The following CSMD1 variants were observed in gnomAD, a reference collection of about 807,000 sequenced individuals.
The protein encoded by CSMD1 is CUB and sushi domain-containing protein 1.
Under a neutral mutation model 417.5 loss-of-function variants are expected in CSMD1, and 213 were observed. The observed-to-expected ratio is 0.51, with a 90% confidence interval of 0.46 to 0.57. The LOEUF is 0.57. Ranked by LOEUF, CSMD1 falls within the 20% of genes least tolerant of loss-of-function variation. The pLI, the probability that CSMD1 is intolerant of heterozygous loss-of-function variation, is 0.00. For missense variants in CSMD1, 6,923 were observed against 4,529.7 expected (o/e 1.53, Z -15.17); for synonymous variants, 2,862 against 1,736.8 (o/e 1.65, Z -16.11).
At chr8:4,032,739 T>C (rs183730782) in intron 3 of CSMD1, among the ~76,000 whole-genome samples, 1 of 152,310 alleles carries the variant, frequency 6.6e-6, no homozygotes, top group East Asian at 1.9e-4. Context: ...CAAGTTTCAG[T>C]GCTAAGTTTT....
intron 54 of CSMD1, among the ~76,000 whole-genome samples, chr8:2,987,209 T>C (rs1363289119): frequency 6.6e-6 from 1 of 152,034 alleles, no homozygotes; most frequent in East Asian, 1.9e-4. Context: ...GTTAACTCTC[T>C]GAGCTATTAA....
chr8:4,323,837 G>A (rs141346513), intron 3 of CSMD1, among the ~76,000 whole-genome samples: 13 of 152,230 alleles, frequency 8.5e-5, no homozygotes, highest in African/African-American at 2.4e-4. Context: ...TCCTCCAGGT[G>A]CCTTGTACTG....
intron 2 of CSMD1, among the ~76,000 whole-genome samples, chr8:4,519,920 A>ATT (rs1554502173): frequency 2.8e-5 from 4 of 141,326 alleles, no homozygotes; most frequent in Non-Finnish European, 6.3e-5. Flanking sequence ...TACATTATGT[A>ATT]GTGTGTGTGT....
intron 3 of CSMD1, among the ~76,000 whole-genome samples, chr8:4,201,344 T>C (rs1006375191): frequency 2.0e-5 from 3 of 151,838 alleles, no homozygotes; most frequent in African/African-American, 7.3e-5. Flanking sequence ...CGAGACCATC[T>C]TGGGTAACAC....
At chr8:3,382,083 C>A (rs780272089) in intron 18 of CSMD1, among the ~76,000 whole-genome samples, 2 of 151,964 alleles carry the variant, frequency 1.3e-5, no homozygotes, top group African/African-American at 4.8e-5. Flanking sequence ...CATGGCAAAA[C>A]CCTGTCTCTA....
chr8:4,433,794 C>T (rs1798000210), intron 2 of CSMD1, among the ~76,000 whole-genome samples: 1 of 152,014 alleles, frequency 6.6e-6, no homozygotes, highest in Non-Finnish European at 1.5e-5. Context: ...TGTCTATTTA[C>T]CTCTGTCCTT....
At chr8:3,235,199 C>G (rs943554171) in intron 26 of CSMD1, among the ~76,000 whole-genome samples, 6 of 151,990 alleles carry the variant, frequency 3.9e-5, no homozygotes, top group African/African-American at 1.2e-4. Flanking sequence ...TATAATAGTA[C>G]AAGAATTTAA....
chr8:3,043,520 T>C (rs1006904451), intron 50 of CSMD1, among the ~76,000 whole-genome samples: 8 of 152,140 alleles, frequency 5.3e-5, no homozygotes, highest in Non-Finnish European at 1.2e-4. Flanking sequence ...ATAAATTGCA[T>C]TTAATCATGT....
At chr8:3,352,756 C>T (rs1486104718) in intron 21 of CSMD1, among the ~76,000 whole-genome samples, 2 of 152,142 alleles carry the variant, frequency 1.3e-5, no homozygotes, top group Non-Finnish European at 2.9e-5. Flanking sequence ...CGGAGACTTG[C>T]TTGAACCCAG....
At chr8:4,007,959 G>T (rs960943564) in intron 4 of CSMD1, among the ~76,000 whole-genome samples, 3 of 152,166 alleles carry the variant, frequency 2.0e-5, no homozygotes, top group Non-Finnish European at 4.4e-5. Flanking sequence ...CGAAATTTCA[G>T]ATAAAAATTA....
chr8:3,771,092 A>G (rs765591396), intron 5 of CSMD1, among the ~76,000 whole-genome samples: 1 of 151,932 alleles, frequency 6.6e-6, no homozygotes, highest in Non-Finnish European at 1.5e-5. Context: ...GGGGTATTGT[A>G]TTCTCAGGAT....
At position 3,814,362 on chromosome 8, in the gene CSMD1, A is replaced by T. The variant is rs1801256782; in HGVS notation, c.819-60320T>A. Among the ~76,000 whole-genome samples, 3 of 152,026 alleles carry T rather than the reference A, an allele frequency of 2.0e-5. 1 individual carries two copies. In the South Asian group the frequency reaches 6.2e-4, roughly 32 times the overall value. ...TGACCAAGGACATCTTTGACTCTAG[A>T]TGGCTTTACCTCTTATACATTATAC... On this transcript the variant is annotated intron_variant, in intron 5 of 69. Coordinates refer to ENST00000635120, the MANE Select transcript of CSMD1 (RefSeq NM_033225.6).
intron 2 of CSMD1, among the ~76,000 whole-genome samples, chr8:4,569,098 G>T (rs1798759566): frequency 6.6e-6 from 1 of 152,120 alleles, no homozygotes; most frequent in South Asian, 2.1e-4. Context: ...TCACTGTGAT[G>T]ATAGTTTTGT....
intron 12 of CSMD1, among the ~76,000 whole-genome samples, chr8:3,451,451 C>A (rs545755433): frequency 3.3e-4 from 50 of 152,244 alleles, no homozygotes; most frequent in Non-Finnish European, 5.4e-4. Context: ...GGTTTTAGGG[C>A]TAACATTTAA....
chr8:4,356,010 G>A lies in CSMD1; in HGVS notation c.415+63943C>T, dbSNP rs375666658. On this transcript the variant is annotated intron_variant, in intron 3 of 69. Coordinates refer to ENST00000635120, the MANE Select transcript of CSMD1 (RefSeq NM_033225.6). ...GATATTGGGGTACATGTGGCATTTG[G>A]TTACTTAAGTTACTGGTGTTTGGGA... 3.3e-5 allele frequency among the ~76,000 whole-genome samples: 5 copies of A among 152,028 alleles called. No individual in the cohort carries two copies. The East Asian group carries it at 5.8e-4, about 18-fold the overall frequency.
At chr8:4,411,202 G>C (rs1360293563) in intron 3 of CSMD1, among the ~76,000 whole-genome samples, 3 of 151,982 alleles carry the variant, frequency 2.0e-5, no homozygotes, top group African/African-American at 7.3e-5. Context: ...AAATGAACTA[G>C]GAAACCCATC....
intron 1 of CSMD1, among the ~76,000 whole-genome samples, chr8:4,916,783 C>G (rs374376735): frequency 2.6e-5 from 4 of 152,156 alleles, no homozygotes; most frequent in African/African-American, 9.7e-5. Flanking sequence ...CAGCTAGATG[C>G]TAACGTAGGC....
intron 61 of CSMD1, 71 bp from the exon 62 acceptor site, chr8:2,961,285 C>A: frequency 1.2e-6 from 1 of 857,764 alleles, no homozygotes; most frequent in Non-Finnish European, 1.9e-6. Context: ...ACAGCTTTCA[C>A]TAAAAGGTCT....
intron 2 of CSMD1, among the ~76,000 whole-genome samples, chr8:4,440,390 G>C (rs571419196): frequency 3.9e-5 from 6 of 152,202 alleles, no homozygotes; most frequent in Admixed American, 2.0e-4. Context: ...GGAGTCAGAG[G>C]ATTGCTCTCA....
Sources: gnomAD v4.1 joint callset for allele counts (sites outside exome capture counted in the v4.1 genomes callset) on GRCh38, gnomAD v4.1.1 for gene constraint, MANE v1.5 for transcripts, NCBI Gene and HGNC (gene_info 2026-07-23, HGNC 2026-07-21) for gene names.